Variants in ERC2 observed in about 807,000 individuals in gnomAD.
ERC2 encodes the protein ERC protein 2.
ERC2 carries 42 observed loss-of-function variants against 114.8 expected under a neutral mutation model. The observed-to-expected ratio is 0.37, with a 90% CI of 0.29 to 0.47. ERC2 has a LOEUF of 0.47. ERC2 is among the 20% of genes least tolerant of loss of function. The probability of loss-of-function intolerance (pLI) is 0.99; values close to 1 mark genes in which losing one functional copy is unlikely to be tolerated. For missense variants in ERC2, 939 were observed against 1,150.7 expected (o/e 0.82, Z 2.66); for synonymous variants, 454 against 425.5 (o/e 1.07, Z -0.82).
intron 2 of ERC2, among the ~76,000 whole-genome samples, chr3:56,433,060 C>G (rs1478478524): frequency 2.6e-5 from 4 of 151,830 alleles, no homozygotes; most frequent in African/African-American, 9.7e-5. Context: ...TGCCCGTAGT[C>G]CCAGCTACTC....
At chr3:55,948,211 A>G (rs2067257549) in intron 13 of ERC2, among the ~76,000 whole-genome samples, 2 of 152,240 alleles carry the variant, frequency 1.3e-5, no homozygotes, top group African/African-American at 2.4e-5. Context: ...AATACTCTAC[A>G]TGATATTTTT....
intron 14 of ERC2, among the ~76,000 whole-genome samples, chr3:55,860,927 G>A (rs1317070232): frequency 6.6e-6 from 1 of 152,056 alleles, no homozygotes; most frequent in South Asian, 2.1e-4. Context: ...ATAAACGGGG[G>A]TAAAAGAGAC....
chr3:56,158,179 C>G (rs1414259281), intron 4 of ERC2, among the ~76,000 whole-genome samples: 4 of 152,180 alleles, frequency 2.6e-5, no homozygotes, highest in Admixed American at 6.5e-5. Flanking sequence ...TAAAGTAGGA[C>G]AGTTAGTCCA....
At chr3:56,098,506 T>C (rs2078180487) in intron 6 of ERC2, among the ~76,000 whole-genome samples, 1 of 152,232 alleles carries the variant, frequency 6.6e-6, no homozygotes, top group African/African-American at 2.4e-5. Flanking sequence ...GCATAAAATA[T>C]GTTCGTGTCC....
intron 14 of ERC2, among the ~76,000 whole-genome samples, chr3:55,825,985 A>C (rs1229478196): frequency 2.0e-5 from 3 of 151,628 alleles, no homozygotes; most frequent in African/African-American, 7.3e-5. Context: ...GAAGGAAGGA[A>C]AGACAGAGGG....
chr3:55,982,473 T>TA (rs111375888), intron 12 of ERC2, among the ~76,000 whole-genome samples: 18 of 148,002 alleles, frequency 1.2e-4, no homozygotes, highest in African/African-American at 2.2e-4. Flanking sequence ...AAAAGAACAC[T>TA]AAAAAAAAAA....
chr3:56,163,605 T>C (rs751674659), intron 4 of ERC2, among the ~76,000 whole-genome samples: 5 of 152,254 alleles, frequency 3.3e-5, no homozygotes, highest in Non-Finnish European at 4.4e-5. Context: ...TTTATCATTA[T>C]GTAATGCCTT....
At chr3:55,808,979 A>T (rs953475946) in intron 14 of ERC2, among the ~76,000 whole-genome samples, 1 of 151,742 alleles carries the variant, frequency 6.6e-6, no homozygotes, top group South Asian at 2.1e-4. Context: ...GAAAAATGGT[A>T]TGAACAAGTA....
chr3:55,789,182 A>G (rs1300118030), intron 14 of ERC2, among the ~76,000 whole-genome samples: 1 of 152,170 alleles, frequency 6.6e-6, no homozygotes, highest in Non-Finnish European at 1.5e-5. Flanking sequence ...TCCCCCGCCA[A>G]TTTTATCCTA....
chr3:55,971,466 A>G (rs1031044685), intron 12 of ERC2, among the ~76,000 whole-genome samples: 4 of 152,182 alleles, frequency 2.6e-5, no homozygotes, highest in African/African-American at 9.7e-5. Context: ...TCTCACTGTT[A>G]AGGGTTTTCT....
Position 56,112,440 on chromosome 3 carries a change from C to G in ERC2, c.1473+27069G>C, listed in dbSNP as rs1244926386. Among the ~76,000 whole-genome samples the G allele has an allele frequency of 7.4e-3, 1,082 of 146,780 alleles. 11 individuals carry two copies. The highest frequency in any genetic ancestry group is 0.023 in the African/African-American group (901 of 39,966). ...GTGAGAAAAGACAGACAGACACACA[C>G]ACACACACACACACACACACACACA... On this transcript the variant is annotated intron_variant, in intron 6 of 17. Transcript: ENST00000288221.
intron 17 of ERC2, among the ~76,000 whole-genome samples, chr3:55,533,287 G>T (rs1026185236): frequency 1.3e-5 from 2 of 152,188 alleles, no homozygotes; most frequent in African/African-American, 2.4e-5. Context: ...GGTGAGAGAC[G>T]GGGCAGAGGG....
chr3:55,691,473 G>A (rs775896568), intron 16 of ERC2, among the ~76,000 whole-genome samples: 5 of 142,270 alleles, frequency 3.5e-5, no homozygotes, highest in African/African-American at 5.4e-5. Context: ...GAATCTGAAG[G>A]CTTCATCCCC....
chr3:56,055,538 A>G (rs1344864918), intron 7 of ERC2, among the ~76,000 whole-genome samples: 1 of 152,180 alleles, frequency 6.6e-6, no homozygotes, highest in African/African-American at 2.4e-5. Flanking sequence ...CCTATTGTTC[A>G]GAGGAAATTT....
At chr3:55,734,261 C>T (rs1318383298) in intron 15 of ERC2, among the ~76,000 whole-genome samples, 2 of 151,998 alleles carry the variant, frequency 1.3e-5, no homozygotes, top group Non-Finnish European at 2.9e-5. Context: ...TCTGGCAGTG[C>T]TAGAACCTGG....
intron 17 of ERC2, among the ~76,000 whole-genome samples, chr3:55,541,433 G>A (rs572285083): frequency 8.5e-5 from 13 of 152,170 alleles, no homozygotes; most frequent in Non-Finnish European, 1.8e-4. Context: ...TTTAGACCCC[G>A]TAGCCTACAT....
intron 14 of ERC2, among the ~76,000 whole-genome samples, chr3:55,775,949 G>C (rs1219250637): frequency 6.6e-6 from 1 of 152,172 alleles, no homozygotes; most frequent in Admixed American, 6.5e-5. Context: ...ATCTGGCCAT[G>C]AGCTGTGCAC....
At chr3:55,610,694 G>A (rs1220812948) in intron 17 of ERC2, 2 of 152,198 alleles carry the variant, frequency 1.3e-5, no homozygotes, top group Non-Finnish European at 2.9e-5. Flanking sequence ...CCGACAGAAC[G>A]AGACCTTGAC....
At chr3:55,944,195 A>G (rs896479345) in intron 13 of ERC2, among the ~76,000 whole-genome samples, 4 of 152,232 alleles carry the variant, frequency 2.6e-5, no homozygotes, top group Middle Eastern at 3.2e-3. Flanking sequence ...CATTTGAGAA[A>G]TATGTTGCGT....
Sources: gnomAD v4.1 joint callset for allele counts (sites outside exome capture counted in the v4.1 genomes callset) on GRCh38, gnomAD v4.1.1 for gene constraint, MANE v1.5 for transcripts, NCBI Gene and HGNC (gene_info 2026-07-23, HGNC 2026-07-21) for gene names.